Variants in ZFHX3 observed in about 807,000 individuals in gnomAD.
ZFHX3 encodes zinc finger homeobox 3.
A neutral mutation model predicts 279.1 loss-of-function variants in ZFHX3; 42 were observed. The ratio of observed to expected loss-of-function variants is 0.15; its 90% CI spans 0.12 to 0.19. ZFHX3 has a LOEUF of 0.19. Ranked by LOEUF, ZFHX3 falls within the 10% of genes least tolerant of loss-of-function variation. The probability of loss-of-function intolerance (pLI) is 1.00; values close to 1 mark genes in which losing one functional copy is unlikely to be tolerated. For synonymous variants in ZFHX3, 2,293 were observed against 1,957.8 expected (o/e 1.17, Z -4.52); for missense variants, 4,981 against 4,754.0 (o/e 1.05, Z -1.40).
chr16:72,790,430 A>T (rs2035650587), intron 9 of ZFHX3: 1 of 152,192 alleles, frequency 6.6e-6, no homozygotes, highest in South Asian at 2.1e-4. Flanking sequence ...GTTCCATAAC[A>T]TGACACTGAG....
rs1486966651 is a variant in ZFHX3 at position 72,783,582 on chromosome 16, T to C, written c.*3582A>G. 6.6e-6 allele frequency: 1 copy of C among 152,334 alleles called. No homozygotes were observed. Among genetic ancestry groups the C allele is most frequent in the Non-Finnish European group, 1.5e-5 (1 of 68,032 alleles). The allele number at this position is 152,334 out of a possible 1,614,324, so 9.4% of individuals were successfully genotyped here. ...GCCACATTCATCTCTTTAAATAGCT[T>C]GTAATTAAAAAAAAAATTCCTAGAT... On this transcript the variant is annotated 3_prime_UTR_variant, in exon 10 of 10. Coordinates refer to ENST00000268489, the MANE Select transcript of ZFHX3 (RefSeq NM_006885.4).
chr16:73,781,296 C>A (rs188142410), intron 1 of ZFHX3, among the ~76,000 whole-genome samples: 596 of 152,294 alleles, frequency 3.9e-3, no homozygotes, highest in South Asian at 7.3e-3. Flanking sequence ...TAAGGCTCTA[C>A]CCCCAAAGAT....
intron 4 of ZFHX3, among the ~76,000 whole-genome samples, chr16:73,312,503 G>A (rs759588752): frequency 3.9e-5 from 6 of 152,200 alleles, no homozygotes; most frequent in Non-Finnish European, 5.9e-5. Flanking sequence ...GGTTGTTGCC[G>A]AGAGGACAGT....
At chr16:73,599,631 C>A (rs548041835) in intron 2 of ZFHX3, among the ~76,000 whole-genome samples, 12 of 151,914 alleles carry the variant, frequency 7.9e-5, no homozygotes, top group Non-Finnish European at 1.6e-4. Context: ...TCCACCACTG[C>A]TTCCCTCCAT....
intron 1 of ZFHX3, among the ~76,000 whole-genome samples, chr16:72,970,991 T>A (rs1962080860): frequency 6.6e-6 from 1 of 152,236 alleles, no homozygotes. Flanking sequence ...TTAAAATCAC[T>A]GACAATTCCA....
At chr16:73,023,634 G>A (rs1964391503) in intron 1 of ZFHX3, among the ~76,000 whole-genome samples, 1 of 152,220 alleles carries the variant, frequency 6.6e-6, no homozygotes, top group African/African-American at 2.4e-5. Context: ...GCATCCTTCA[G>A]GTAGGACCCT....
chr16:73,203,674 G>A (rs2011685428), intron 5 of ZFHX3, among the ~76,000 whole-genome samples: 1 of 152,230 alleles, frequency 6.6e-6, no homozygotes, highest in Non-Finnish European at 1.5e-5. Flanking sequence ...TCTAACCTGA[G>A]CTGGGTGGGC....
intron 7 of ZFHX3, 21 bp from the exon 8 acceptor site, chr16:72,800,150 G>C (rs771537334): frequency 3.8e-6 from 6 of 1,587,232 alleles, no homozygotes; most frequent in Admixed American, 1.7e-5. Context: ...AGAGCAAGGA[G>C]AGTCAAATGG....
In ZFHX3 at chr16:73,682,914, AAG is replaced by A. The variant is rs201079638; in HGVS notation, c.-1607-2676_-1607-2675del. ...AGAAAGAAAGAAAGAAAGAGAAAGA[AAG>A]AGAGAAAGAGAAAGAAAGAAAGAAA... On this transcript the variant is annotated intron_variant, in intron 1 of 17. Transcript: ENST00000641206. Among the ~76,000 whole-genome samples, 74 of 47,586 alleles carry A rather than the reference AAG, an allele frequency of 1.6e-3. 6 individuals carry two copies. Among genetic ancestry groups the A allele is most frequent in the African/African-American group, 3.1e-3 (37 of 11,862 alleles). 31.2% of individuals were successfully genotyped at this position (47,586 alleles called of 152,430 possible).
At chr16:73,860,678 G>A (rs183367615) in intron 1 of ZFHX3, among the ~76,000 whole-genome samples, 5 of 152,038 alleles carry the variant, frequency 3.3e-5, no homozygotes, top group African/African-American at 4.8e-5. Context: ...ACCTTCCTTC[G>A]GCCTGTTTTA....
chr16:73,704,628 ATT>A (rs1307770311), intron 1 of ZFHX3, among the ~76,000 whole-genome samples: 2 of 152,250 alleles, frequency 1.3e-5, no homozygotes, highest in Non-Finnish European at 2.9e-5. Context: ...ATTTGTCTTA[ATT>A]TTGGTTGTTC....
At chr16:73,671,161 G>C (rs542276734) in intron 2 of ZFHX3, among the ~76,000 whole-genome samples, 1 of 152,348 alleles carries the variant, frequency 6.6e-6, no homozygotes, top group East Asian at 1.9e-4. Context: ...CCCTTTTGCA[G>C]TTCGCAGATT....
At chr16:73,259,343 C>T (rs1000447462) in intron 4 of ZFHX3, among the ~76,000 whole-genome samples, 11 of 152,196 alleles carry the variant, frequency 7.2e-5, no homozygotes, top group Non-Finnish European at 1.5e-4. Context: ...TCCTTGCCAA[C>T]GTTCGGTATT....
At chr16:72,881,762 C>T (rs1187083400) in intron 4 of ZFHX3, among the ~76,000 whole-genome samples, 1 of 152,152 alleles carries the variant, frequency 6.6e-6, no homozygotes, top group Non-Finnish European at 1.5e-5. Flanking sequence ...ACACTGTCGG[C>T]TTTAGGAGGT....
chr16:73,528,890 A>G (rs1027087873), intron 2 of ZFHX3, among the ~76,000 whole-genome samples: 6 of 152,148 alleles, frequency 3.9e-5, no homozygotes, highest in Non-Finnish European at 7.3e-5. Context: ...CAGAACATCA[A>G]CCTCCTGGAT....
intron 2 of ZFHX3, among the ~76,000 whole-genome samples, chr16:73,547,251 C>T (rs2020133644): frequency 6.6e-6 from 1 of 151,734 alleles, no homozygotes; most frequent in Non-Finnish European, 1.5e-5. Flanking sequence ...AGAGCAAACC[C>T]CATGTTACCA....
At chr16:73,870,605 G>A (rs377465163) in intron 1 of ZFHX3, among the ~76,000 whole-genome samples, 33 of 152,252 alleles carry the variant, frequency 2.2e-4, no homozygotes, top group South Asian at 6.2e-4. Context: ...TTTGCAAAGC[G>A]TCTGAGAGCA....
chr16:73,113,616 T>A lies in ZFHX3; in HGVS notation c.-897+17352A>T, dbSNP rs116560887. On this transcript the variant is annotated intron_variant, in intron 7 of 17. Coordinates refer to the ZFHX3 transcript ENST00000641206. ...TACTGGGAAGAGGCAAGGAGGTGAATGCCAGCAACAAATGCACAGGAAGGA... is the reference window on the plus strand; with the variant it reads ...TACTGGGAAGAGGCAAGGAGGTGAAAGCCAGCAACAAATGCACAGGAAGGA... Among the ~76,000 whole-genome samples, 1,370 of 152,088 alleles carry A rather than the reference T, an allele frequency of 9.0e-3. 21 individuals carry two copies. The highest frequency in any genetic ancestry group is 0.032 in the African/African-American group (1,326 of 41,486).
At chr16:73,396,177 T>C (rs1327622809) in intron 3 of ZFHX3, among the ~76,000 whole-genome samples, 1 of 152,210 alleles carries the variant, frequency 6.6e-6, no homozygotes, top group African/African-American at 2.4e-5. Context: ...CCGGCGGGCA[T>C]CTTTCTCCAC....
Sources: allele counts gnomAD v4.1 joint callset (sites outside exome capture counted in the v4.1 genomes callset), GRCh38; gene constraint gnomAD v4.1.1; transcripts MANE v1.5; gene names NCBI Gene and HGNC (gene_info 2026-07-23, HGNC 2026-07-21).